The following ZMYND11 variants were observed in gnomAD, a reference collection of about 807,000 sequenced individuals.
ZMYND11 encodes the protein zinc finger MYND-type containing 11.
In ZMYND11, 9 loss-of-function variants were observed where a neutral mutation model predicts 84.9. The observed-to-expected ratio is 0.11, with a 90% CI of 0.06 to 0.18. The LOEUF (loss-of-function observed/expected upper bound fraction) is 0.18. ZMYND11 is among the 10% of genes least tolerant of loss of function. The pLI is 1.00. For missense variants in ZMYND11, 409 were observed against 761.0 expected, an observed-to-expected ratio of 0.54 and a Z score of 5.44; for synonymous variants, 250 against 244.1, an observed-to-expected ratio of 1.02 and a Z score of -0.23.
chr10:230,472 C>CAAA (rs59145964), intron 4 of ZMYND11, among the ~76,000 whole-genome samples: 2 of 52,708 alleles, frequency 3.8e-5, no homozygotes, highest in Non-Finnish European at 3.2e-5. Context: ...GACTCAGTCT[C>CAAA]AAAAAAAAAA....
intron 14 of ZMYND11, among the ~76,000 whole-genome samples, chr10:251,745 T>C (rs1953532634): frequency 6.6e-6 from 1 of 152,146 alleles, no homozygotes; most frequent in African/African-American, 2.4e-5. Context: ...GAACATTCTT[T>C]GGGGGAGGTG....
chr10:183,448 G>T (rs1244942968), intron 2 of ZMYND11, among the ~76,000 whole-genome samples: 1 of 152,072 alleles, frequency 6.6e-6, no homozygotes, highest in Non-Finnish European at 1.5e-5. Flanking sequence ...GATGTCAGTT[G>T]TTTCTCATTT....
intron 2 of ZMYND11, among the ~76,000 whole-genome samples, chr10:196,039 G>T (rs181516508): frequency 6.6e-6 from 1 of 152,140 alleles, no homozygotes; most frequent in African/African-American, 2.4e-5. Flanking sequence ...CCCTGATGAC[G>T]TATATCTCAA....
intron 2 of ZMYND11, among the ~76,000 whole-genome samples, chr10:187,137 G>A (rs1359921319): frequency 6.6e-6 from 1 of 152,002 alleles, no homozygotes; most frequent in Admixed American, 6.5e-5. Flanking sequence ...GCTGAGGGAG[G>A]ATCGCTTGAG....
chr10:133,753 G>A (rs1835393464), upstream of ZMYND11, among the ~76,000 whole-genome samples: 1 of 152,068 alleles, frequency 6.6e-6, no homozygotes, highest in Non-Finnish European at 1.5e-5. Flanking sequence ...CTTTTCTTCT[G>A]ACACGTTTTA....
At chr10:149,150 A>G (rs1839652013) in intron 1 of ZMYND11, among the ~76,000 whole-genome samples, 1 of 152,038 alleles carries the variant, frequency 6.6e-6, no homozygotes, top group Non-Finnish European at 1.5e-5. Flanking sequence ...CTAAAAAGAA[A>G]GGCTGAACCG....
chr10:142,634 A>G (rs1037994953), intron 1 of ZMYND11, among the ~76,000 whole-genome samples: 1 of 152,216 alleles, frequency 6.6e-6, no homozygotes, highest in Non-Finnish European at 1.5e-5. Context: ...CCTAAAACCC[A>G]TAAACTTCTT....
chr10:218,144 A>C (rs1946500290), intron 3 of ZMYND11, among the ~76,000 whole-genome samples: 1 of 152,212 alleles, frequency 6.6e-6, no homozygotes, highest in Non-Finnish European at 1.5e-5. Context: ...ATATTTTTCT[A>C]ATATCATTAT....
intron 2 of ZMYND11, among the ~76,000 whole-genome samples, chr10:204,201 C>A (rs1368231418): frequency 6.6e-6 from 1 of 152,114 alleles, no homozygotes; most frequent in East Asian, 1.9e-4. Context: ...GGTTAGATAA[C>A]CAGTTGTCCC....
At chr10:204,415 A>G (rs1943776880) in intron 2 of ZMYND11, among the ~76,000 whole-genome samples, 1 of 152,026 alleles carries the variant, frequency 6.6e-6, no homozygotes, top group Non-Finnish European at 1.5e-5. Flanking sequence ...CTTCTTTTCA[A>G]TCACCTGTCT....
intron 14 of ZMYND11, 101 bp downstream of exon 14, chr10:249,189 C>A: frequency 1.9e-6 from 3 of 1,560,438 alleles, no homozygotes; most frequent in Non-Finnish European, 2.6e-6. Context: ...GAAGATGTTT[C>A]TGAAATAAGA....
intron 4 of ZMYND11, among the ~76,000 whole-genome samples, chr10:235,150 C>A (rs1398873969): frequency 6.6e-6 from 1 of 152,130 alleles, no homozygotes; most frequent in Non-Finnish European, 1.5e-5. Flanking sequence ...TTCATTTTGT[C>A]AATTAAAATT....
chr10:171,195 G>T (rs1181969310), intron 1 of ZMYND11, among the ~76,000 whole-genome samples: 2 of 152,000 alleles, frequency 1.3e-5, no homozygotes, highest in Non-Finnish European at 2.9e-5. Context: ...AGAACTGCAA[G>T]GAGAAATAAA....
Position 136,078 on chromosome 10 carries a change from G to T in ZMYND11, c.-20+519G>T, listed in dbSNP as rs1835957741. 4.6e-5 allele frequency among the ~76,000 whole-genome samples: 7 copies of T among 152,124 alleles called. No homozygotes were observed. In the South Asian group the frequency reaches 1.5e-3, roughly 32 times the overall value. ...GCGGGCAGGGCTGGCCCCGAGGCCC[G>T]GGGCGGAGATTCGTCGGTCCCCCGG... On this transcript the variant is annotated intron_variant, in intron 1 of 14. Coordinates refer to ENST00000381604, the MANE Select transcript of ZMYND11 (RefSeq NM_001370100.5).
chr10:246,287 ATATG>A (rs1312713534), intron 10 of ZMYND11, among the ~76,000 whole-genome samples: 3 of 152,210 alleles, frequency 2.0e-5, no homozygotes, highest in Non-Finnish European at 2.9e-5. Flanking sequence ...TTATATGAAT[ATATG>A]TATGTATCTT....
chr10:150,328 G>A (rs1305193714), intron 1 of ZMYND11, among the ~76,000 whole-genome samples: 1 of 152,098 alleles, frequency 6.6e-6, no homozygotes, highest in African/African-American at 2.4e-5. Context: ...GCTTCTTCCT[G>A]GTTTAGTCTT....
At chr10:189,957 ACTGT>A (rs1939891534) in intron 2 of ZMYND11, among the ~76,000 whole-genome samples, 1 of 152,246 alleles carries the variant, frequency 6.6e-6, no homozygotes, top group Middle Eastern at 3.4e-3. Flanking sequence ...CAAAGCATAG[ACTGT>A]CTGGATCAAG....
At chr10:151,762 GT>G (rs1459016614) in intron 1 of ZMYND11, among the ~76,000 whole-genome samples, 1 of 152,088 alleles carries the variant, frequency 6.6e-6, no homozygotes, top group Non-Finnish European at 1.5e-5. Flanking sequence ...ACACATAATT[GT>G]CAGATTCACC....
intron 1 of ZMYND11, among the ~76,000 whole-genome samples, chr10:160,413 A>G (rs1842702225): frequency 6.6e-6 from 1 of 152,186 alleles, no homozygotes; most frequent in Non-Finnish European, 1.5e-5. Context: ...CTTGATGTTG[A>G]TGGCTGCTGA....
Sources: gnomAD v4.1 joint callset for allele counts (sites outside exome capture counted in the v4.1 genomes callset) on GRCh38, gnomAD v4.1.1 for gene constraint, MANE v1.5 for transcripts, NCBI Gene and HGNC (gene_info 2026-07-23, HGNC 2026-07-21) for gene names.